Variants in ENTREP2 observed in about 807,000 individuals in gnomAD.
ENTREP2 encodes the protein protein ENTREP2.
chr15:29,671,771 T>C, the ENTREP2 span, among the ~76,000 whole-genome samples: 2 of 152,196 alleles, frequency 1.3e-5, no homozygotes, highest in South Asian at 2.1e-4. Context: ...GGGGTCCTTG[T>C]GGGCTTTCTG....
At chr15:29,447,687 G>A in the ENTREP2 span, among the ~76,000 whole-genome samples, 1 of 148,886 alleles carries the variant, frequency 6.7e-6, no homozygotes. Context: ...TGGGGGTCTC[G>A]CCATGTTGCC....
At chr15:29,668,623 T>C in the ENTREP2 span, among the ~76,000 whole-genome samples, 1 of 152,184 alleles carries the variant, frequency 6.6e-6, no homozygotes, top group Admixed American at 6.5e-5. Flanking sequence ...GGATTAACTT[T>C]GAAAACATTG....
chr15:29,468,558 C>A, the ENTREP2 span, among the ~76,000 whole-genome samples: 3 of 145,746 alleles, frequency 2.1e-5, no homozygotes, highest in Admixed American at 7.1e-5. Context: ...TGCAGTGAGC[C>A]GAGATTGCCC....
chr15:29,119,348 A>G, the ENTREP2 span, among the ~76,000 whole-genome samples: 122 of 10,760 alleles, frequency 0.011, 32 homozygotes, highest in African/African-American at 0.014. Flanking sequence ...CTATCGCAAG[A>G]ACAAAAAACC....
the ENTREP2 span, among the ~76,000 whole-genome samples, chr15:29,474,527 G>T: frequency 6.6e-6 from 1 of 151,958 alleles, no homozygotes; most frequent in Admixed American, 6.6e-5. Flanking sequence ...TACCTCCTTG[G>T]CCACACAGTT....
the ENTREP2 span, among the ~76,000 whole-genome samples, chr15:29,184,578 C>A: frequency 6.7e-6 from 1 of 150,082 alleles, no homozygotes; most frequent in East Asian, 1.9e-4. Flanking sequence ...TTCCCATCTC[C>A]TCATGGAAAT....
the ENTREP2 span, among the ~76,000 whole-genome samples, chr15:29,522,053 T>C: frequency 6.6e-6 from 1 of 152,170 alleles, no homozygotes; most frequent in Non-Finnish European, 1.5e-5. Context: ...CAAATGGTGC[T>C]GGAAAAACTG....
chr15:29,134,992 G>A, the ENTREP2 span, among the ~76,000 whole-genome samples: 3 of 152,032 alleles, frequency 2.0e-5, no homozygotes, highest in East Asian at 3.9e-4. Context: ...TAACCATCCG[G>A]GGCTCCACGG....
chr15:29,175,378 C>T, the ENTREP2 span, among the ~76,000 whole-genome samples: 3 of 152,200 alleles, frequency 2.0e-5, no homozygotes, highest in Non-Finnish European at 2.9e-5. Context: ...CTATCATACA[C>T]GATTAATCAT....
At chr15:29,656,251 A>T in the ENTREP2 span, among the ~76,000 whole-genome samples, 755 of 151,298 alleles carry the variant, frequency 5.0e-3, 4 homozygotes, top group Non-Finnish European at 6.7e-3. Flanking sequence ...TTTGAGACAG[A>T]GTCTCACTCT....
At chr15:29,240,419 C>A in the ENTREP2 span, among the ~76,000 whole-genome samples, 1 of 151,662 alleles carries the variant, frequency 6.6e-6, no homozygotes, top group African/African-American at 2.4e-5. Context: ...AATGCAACAG[C>A]GTTGGGAGGC....
the ENTREP2 span, among the ~76,000 whole-genome samples, chr15:29,381,455 CAAAAAAAAAAA>C: frequency 1.6e-4 from 7 of 44,312 alleles, no homozygotes; most frequent in Admixed American, 2.9e-4. Context: ...GACTCTGTCT[CAAAAAAAAAAA>C]AAAAAAAAAA....
chr15:29,129,295 C>T, the ENTREP2 span, among the ~76,000 whole-genome samples: 3 of 152,112 alleles, frequency 2.0e-5, no homozygotes, highest in Non-Finnish European at 4.4e-5. Flanking sequence ...AAACTCCTGA[C>T]CTCAGGCGAT....
the ENTREP2 span, among the ~76,000 whole-genome samples, chr15:29,244,817 T>C: frequency 2.8e-4 from 42 of 152,320 alleles, no homozygotes; most frequent in African/African-American, 9.6e-4. Flanking sequence ...CTGTGTCCTA[T>C]GAAGCTCAGC....
At chr15:29,258,350 C>A in the ENTREP2 span, among the ~76,000 whole-genome samples, 4 of 151,842 alleles carry the variant, frequency 2.6e-5, no homozygotes, top group Non-Finnish European at 5.9e-5. Context: ...AAATTGAGGT[C>A]AAAAAATAGT....
the ENTREP2 span, among the ~76,000 whole-genome samples, chr15:29,395,084 T>C: frequency 6.7e-6 from 1 of 149,970 alleles, no homozygotes; most frequent in Non-Finnish European, 1.5e-5. Context: ...GAGACGGGGT[T>C]TCACCATGTT....
At chr15:29,469,588 G>A in the ENTREP2 span, among the ~76,000 whole-genome samples, 10 of 152,102 alleles carry the variant, frequency 6.6e-5, no homozygotes, top group African/African-American at 2.4e-4. Flanking sequence ...GGGGAAATAG[G>A]GAGTTGGTGT....
At chr15:29,179,647 C>T in the ENTREP2 span, among the ~76,000 whole-genome samples, 2 of 149,504 alleles carry the variant, frequency 1.3e-5, no homozygotes, top group Non-Finnish European at 3.0e-5. Flanking sequence ...GTGGTGCGAT[C>T]TCAGCTCACT....
the ENTREP2 span, among the ~76,000 whole-genome samples, chr15:29,189,528 T>A: frequency 3.3e-5 from 5 of 152,140 alleles, no homozygotes; most frequent in Admixed American, 3.3e-4. Context: ...TTGATAAGGT[T>A]TCTCTGGGTA....
Sources: gnomAD v4.1 joint callset for allele counts (sites outside exome capture counted in the v4.1 genomes callset) on GRCh38, gnomAD v4.1.1 for gene constraint, MANE v1.5 for transcripts, NCBI Gene and HGNC (gene_info 2026-07-23, HGNC 2026-07-21) for gene names.